NALCN: variants seen among roughly 807,000 people sequenced by gnomAD.
NALCN encodes sodium leak channel, non-selective, also known as sodium leak channel NALCN.
In NALCN, 111 loss-of-function variants were observed where a neutral mutation model predicts 225.3. The observed-to-expected ratio is 0.49, with a 90% CI of 0.42 to 0.58. NALCN has a LOEUF of 0.58. Among genes scored for constraint, NALCN ranks in the 20% least tolerant of loss-of-function variants. NALCN has a pLI of 0.00. For synonymous variants in NALCN, 764 were observed against 769.0 expected, an observed-to-expected ratio of 0.99 and a Z score of 0.11; for missense variants, 1,378 against 2,202.4, an observed-to-expected ratio of 0.63 and a Z score of 7.49.
intron 6 of NALCN, among the ~76,000 whole-genome samples, chr13:101,355,663 A>G (rs1473574789): frequency 6.6e-6 from 1 of 152,196 alleles, no homozygotes; most frequent in Non-Finnish European, 1.5e-5. Flanking sequence ...TAACAAGGAT[A>G]TTCAGGACTT....
At chr13:101,138,106 G>A (rs1484830742) in intron 17 of NALCN, among the ~76,000 whole-genome samples, 1 of 152,100 alleles carries the variant, frequency 6.6e-6, no homozygotes, top group East Asian at 1.9e-4. Context: ...AACTTAGGGG[G>A]TTCTGTCTCA....
intron 1 of NALCN, among the ~76,000 whole-genome samples, chr13:101,410,838 C>T (rs1163835069): frequency 6.6e-6 from 1 of 152,212 alleles, no homozygotes; most frequent in Non-Finnish European, 1.5e-5. Context: ...ATCACCCAAG[C>T]TCGATGATCG....
intron 15 of NALCN, among the ~76,000 whole-genome samples, chr13:101,171,228 C>T (rs2038697716): frequency 1.3e-5 from 2 of 148,560 alleles, no homozygotes; most frequent in South Asian, 4.2e-4. Flanking sequence ...TTTTTATATA[C>T]TGTTACATAT....
chr13:101,260,784 A>T (rs2042399157), intron 10 of NALCN, among the ~76,000 whole-genome samples: 1 of 152,110 alleles, frequency 6.6e-6, no homozygotes. Context: ...CCTTTGTCAG[A>T]GGGGTAGTTT....
At chr13:101,346,087 C>CTCTCTATATATATATATATATATATATA in intron 6 of NALCN, among the ~76,000 whole-genome samples, 1 of 70,938 alleles carries the variant, frequency 1.4e-5, no homozygotes, top group Non-Finnish European at 2.7e-5. Context: ...CTCTCTCTCT[C>CTCTCTATATATATATATATATATATATA]TATATATATA....
intron 18 of NALCN, among the ~76,000 whole-genome samples, chr13:101,121,968 T>A (rs1289574): frequency 0.44 from 64,387 of 147,290 alleles, 14,488 homozygotes; most frequent in East Asian, 0.69. Flanking sequence ...TTTTTTTTTT[T>A]AAAAAAAATT....
chr13:101,155,469 T>C (rs1460734761), intron 15 of NALCN, among the ~76,000 whole-genome samples: 1 of 152,204 alleles, frequency 6.6e-6, no homozygotes, highest in Non-Finnish European at 1.5e-5. Flanking sequence ...TTGGGTTGTC[T>C]GATCTTTTCT....
At chr13:101,285,584 C>A (rs2043311298) in intron 9 of NALCN, among the ~76,000 whole-genome samples, 5 of 152,086 alleles carry the variant, frequency 3.3e-5, no homozygotes, top group Middle Eastern at 3.2e-3. Flanking sequence ...TTTTAAATGA[C>A]AAAATTAAGG....
intron 15 of NALCN, among the ~76,000 whole-genome samples, chr13:101,167,971 T>G (rs1000184226): frequency 6.6e-6 from 1 of 152,244 alleles, no homozygotes; most frequent in Admixed American, 6.5e-5. Context: ...GCTAAGTTTA[T>G]TCCAAGTATT....
chr13:101,330,556 T>G (rs2045129969), intron 7 of NALCN, among the ~76,000 whole-genome samples: 1 of 152,206 alleles, frequency 6.6e-6, no homozygotes, highest in Admixed American at 6.5e-5. Flanking sequence ...AAGAGTCTCC[T>G]CAGAGAAATC....
rs1310128184 is a variant in NALCN at position 101,254,682 on chromosome 13, G to A, written c.1266+3761C>T. Among the ~76,000 whole-genome samples the A allele has an allele frequency of 9.5e-5, 7 of 73,778 alleles. 1 individual carries two copies. The highest frequency in any genetic ancestry group is 2.7e-4 in the African/African-American group (7 of 26,358). The allele number at this position is 73,778 out of a possible 152,430, so 48.4% of individuals were successfully genotyped here. A position where few individuals can be genotyped will look rare whatever the true frequency, so the allele number is the denominator to read the frequency against. ...CGAGGCGGGCGGATCACGAGGTCAG[G>A]AGATCGAGACCATCCCGGCTAAAAC... On this transcript the variant is annotated intron_variant, in intron 11 of 43. Transcript: ENST00000251127.
chr13:101,103,125 A>G lies in NALCN; in HGVS notation c.3057+47T>C, dbSNP rs368461361. 330 of 1,583,548 alleles carry G rather than the reference A, an allele frequency of 2.1e-4. 1 individual carries two copies. The Middle Eastern group carries it at 6.5e-3, about 31-fold the overall frequency. On this transcript the variant is annotated intron_variant, in intron 26 of 43. Transcript: ENST00000251127. ...TCACTTTTCCCTCATTAGCTGCATT[A>G]GAGGTGGACTACTGTGAACTGGAAT...
chr13:101,397,157 A>C (rs1393060079), intron 2 of NALCN, among the ~76,000 whole-genome samples: 1 of 146,046 alleles, frequency 6.8e-6, no homozygotes, highest in African/African-American at 2.5e-5. Flanking sequence ...ATAGCATGTT[A>C]TATGTATGTA....
chr13:101,383,741 A>C (rs1285040729), intron 3 of NALCN, among the ~76,000 whole-genome samples: 1 of 152,236 alleles, frequency 6.6e-6, no homozygotes, highest in Non-Finnish European at 1.5e-5. Context: ...CTTTGTAACC[A>C]TGAAAGATCA....
chr13:101,329,730 T>C (rs1409530098), intron 7 of NALCN, among the ~76,000 whole-genome samples: 2 of 152,074 alleles, frequency 1.3e-5, no homozygotes, highest in Non-Finnish European at 1.5e-5. Flanking sequence ...CATCATTACA[T>C]GGGAATCCTA....
intron 7 of NALCN, among the ~76,000 whole-genome samples, chr13:101,301,385 T>A (rs577320493): frequency 2.0e-5 from 3 of 152,194 alleles, no homozygotes; most frequent in Admixed American, 2.0e-4. Flanking sequence ...TGAGGTCAGG[T>A]CAAAAGAGCT....
In NALCN at chr13:101,067,522, C is replaced by T. The variant is rs79898819; in HGVS notation, c.4446+396G>A. Among the ~76,000 whole-genome samples the T allele has an allele frequency of 4.3e-3, 650 of 152,294 alleles. 3 individuals carry two copies. The highest frequency in any genetic ancestry group is 6.1e-3 in the Non-Finnish European group (414 of 68,010). On this transcript the variant is annotated intron_variant, in intron 39 of 43. Transcript: ENST00000251127. ...ATCCAATACACACCTTCAGATGCCA[C>T]TTAAATAACTCCTTTGTACTTTTAA...
rs536847261 is a variant in NALCN, at chr13:101,371,074, T to C, written c.644+5626A>G. On this transcript the variant is annotated intron_variant, in intron 6 of 43. Transcript: ENST00000251127. The stretch of plus-strand genomic sequence containing the variant: ...ATTTTGAGATTTATCCAAGATGCTG[T>C]ATACATCAATAGTTCATTATTTATT... 2.0e-5 allele frequency among the ~76,000 whole-genome samples: 3 copies of C among 152,352 alleles called. No individual in the cohort carries two copies. The East Asian group carries it at 5.8e-4, about 29-fold the overall frequency.
intron 14 of NALCN, among the ~76,000 whole-genome samples, chr13:101,184,992 CT>C (rs5806197): frequency 0.49 from 74,656 of 151,730 alleles, 19,082 homozygotes; most frequent in Non-Finnish European, 0.55. Flanking sequence ...TTAATAATTT[CT>C]TATCTTTAAA....
Sources: allele counts gnomAD v4.1 joint callset (sites outside exome capture counted in the v4.1 genomes callset), GRCh38; gene constraint gnomAD v4.1.1; transcripts MANE v1.5; gene names NCBI Gene and HGNC (gene_info 2026-07-23, HGNC 2026-07-21).